The following LRTM1 variants were observed in gnomAD, a reference collection of about 807,000 sequenced individuals.
The protein encoded by LRTM1 is leucine rich repeat transmembrane protein 1.
A neutral mutation model predicts 32.4 loss-of-function variants in LRTM1; 38 were observed. The observed-to-expected ratio is 1.17, with a 90% CI of 0.91 to 1.54. LRTM1 has a LOEUF of 1.54. Among genes scored for constraint, LRTM1 ranks in the 40% most tolerant of loss-of-function variants. The pLI, the probability that LRTM1 is intolerant of heterozygous loss-of-function variation, is 0.00. For synonymous variants in LRTM1, 186 were observed against 169.9 expected (o/e 1.09, Z -0.74); for missense variants, 466 against 415.4 (o/e 1.12, Z -1.06).
Position 54,924,749 on chromosome 3 carries a change from A to C in LRTM1, c.474T>G (p.Leu158=), listed in dbSNP as rs1410408808. The C allele has an allele frequency of 6.2e-7, 1 of 1,614,136 alleles. No homozygotes were observed. ...LTILAVQQNQ[L]QQLDRALLES... ...CCAGGAGCGCTCGATCAAGCTGCTG[A>C]AGCTGGTTTTGTTGAACCGCAAGTA... Residue 158 remains leucine (L), a synonymous_variant, in exon 2 of 3, where the codon CTT becomes CTG. Coordinates refer to ENST00000273286, the MANE Select transcript of LRTM1 (RefSeq NM_020678.4).
chr3:54,963,027 T>A (rs947120497), intron 1 of LRTM1, among the ~76,000 whole-genome samples: 21 of 152,254 alleles, frequency 1.4e-4, no homozygotes, highest in Admixed American at 3.3e-4. Context: ...TAACATGATA[T>A]GAGATGCATG....
intron 1 of LRTM1, 27 bp downstream of exon 1, chr3:54,927,878 T>C (rs1289081147): frequency 6.2e-7 from 1 of 1,613,488 alleles, no homozygotes; most frequent in South Asian, 1.1e-5. Context: ...ACAAGAACTT[T>C]TCCAACGGGA....
upstream of LRTM1, chr3:54,928,201 CTT>C (rs1478313825): frequency 2.3e-6 from 1 of 443,948 alleles, no homozygotes; most frequent in Admixed American, 3.8e-5. Context: ...TCATCCCTGC[CTT>C]TCCCATTCAG....
chr3:54,963,530 A>G (rs1430416184), intron 1 of LRTM1, among the ~76,000 whole-genome samples: 1 of 152,234 alleles, frequency 6.6e-6, no homozygotes, highest in Non-Finnish European at 1.5e-5. Flanking sequence ...GTTAATTTTT[A>G]TTTAAATAGC....
intron 1 of LRTM1, among the ~76,000 whole-genome samples, chr3:54,940,619 A>G (rs78168396): frequency 0.023 from 3,454 of 152,292 alleles, 132 homozygotes; most frequent in African/African-American, 0.076. Context: ...AACTGTCACT[A>G]TTGGAAGTGA....
chr3:54,963,465 T>A (rs941841243), intron 1 of LRTM1, among the ~76,000 whole-genome samples: 1 of 152,224 alleles, frequency 6.6e-6, no homozygotes, highest in Non-Finnish European at 1.5e-5. Context: ...TACGGAGCAC[T>A]TGACATCTAA....
intron 1 of LRTM1, among the ~76,000 whole-genome samples, chr3:54,950,086 A>G (rs917021869): frequency 1.3e-5 from 2 of 152,228 alleles, no homozygotes; most frequent in African/African-American, 4.8e-5. Context: ...GGCACCTGAA[A>G]AAAGGGCGAA....
chr3:54,947,332 G>T (rs1350899092), intron 1 of LRTM1, among the ~76,000 whole-genome samples: 1 of 152,134 alleles, frequency 6.6e-6, no homozygotes, highest in African/African-American at 2.4e-5. Flanking sequence ...TCCAAGCAGT[G>T]CTAATGCAAA....
intron 1 of LRTM1, among the ~76,000 whole-genome samples, chr3:54,947,225 G>A (rs1701638764): frequency 6.6e-6 from 1 of 152,142 alleles, no homozygotes; most frequent in Admixed American, 6.5e-5. Context: ...CTGGTAAGTG[G>A]GATCACTGGA....
chr3:54,963,221 G>T (rs1401779615), intron 1 of LRTM1, among the ~76,000 whole-genome samples: 1 of 152,150 alleles, frequency 6.6e-6, no homozygotes, highest in Non-Finnish European at 1.5e-5. Flanking sequence ...TGGCAGTCCT[G>T]TCTGATCTAA....
intron 1 of LRTM1, among the ~76,000 whole-genome samples, chr3:54,944,892 C>G (rs894578976): frequency 2.0e-5 from 3 of 151,310 alleles, no homozygotes. Flanking sequence ...GTTTTTCTTT[C>G]TTTTTTCAAG....
rs890646338 is a variant in LRTM1 at position 54,944,101 on chromosome 3, A to G, written c.-221-18886T>C. 2.6e-5 allele frequency among the ~76,000 whole-genome samples: 4 copies of G among 152,168 alleles called. No individual in the cohort carries two copies. The South Asian group carries it at 8.3e-4, about 32-fold the overall frequency. On this transcript the variant is annotated intron_variant, in intron 1 of 2. Transcript: ENST00000493075. The stretch of plus-strand genomic sequence containing the variant: ...CTTCCTGTGTTGTTTAGGAAGTCTG[A>G]TATCATACCATTTCCATATCCTTTG...
chr3:54,955,762 G>A (rs1470168479), intron 1 of LRTM1, among the ~76,000 whole-genome samples: 1 of 152,106 alleles, frequency 6.6e-6, no homozygotes, highest in African/African-American at 2.4e-5. Context: ...CTGCTGAGAA[G>A]GAGTTGGAGT....
intron 2 of LRTM1, among the ~76,000 whole-genome samples, chr3:54,919,783 A>G (rs886730007): frequency 6.6e-6 from 1 of 152,270 alleles, no homozygotes; most frequent in African/African-American, 2.4e-5. Flanking sequence ...AAGCACTGTT[A>G]GATAAGTCCT....
chr3:54,944,169 C>T (rs1488765861), intron 1 of LRTM1, among the ~76,000 whole-genome samples: 3 of 151,834 alleles, frequency 2.0e-5, no homozygotes, highest in Non-Finnish European at 2.9e-5. Flanking sequence ...AAGCTTTCTG[C>T]ATGTTCATTA....
At chr3:54,954,222 C>T (rs919421660) in intron 1 of LRTM1, among the ~76,000 whole-genome samples, 2 of 152,306 alleles carry the variant, frequency 1.3e-5, no homozygotes, top group South Asian at 4.1e-4. Flanking sequence ...CTATGGCCTC[C>T]TCATTCCAAG....
At chr3:54,959,711 G>A (rs1302414075) in intron 1 of LRTM1, among the ~76,000 whole-genome samples, 2 of 152,126 alleles carry the variant, frequency 1.3e-5, no homozygotes, top group Non-Finnish European at 2.9e-5. Context: ...AGGCTTAAAT[G>A]TTTTCTTCTG....
At chr3:54,928,928 G>C (rs866422707), upstream of LRTM1, among the ~76,000 whole-genome samples, 1 of 152,080 alleles carries the variant, frequency 6.6e-6, no homozygotes, top group Non-Finnish European at 1.5e-5. Flanking sequence ...GACTGGAACC[G>C]TTTCTTTGAA....
chr3:54,936,158 C>T (rs1324052987), intron 1 of LRTM1, among the ~76,000 whole-genome samples: 1 of 144,302 alleles, frequency 6.9e-6, no homozygotes, highest in African/African-American at 2.7e-5. Flanking sequence ...TCACGAGAAT[C>T]ATAGCAAAAA....
Sources: gnomAD v4.1 joint callset for allele counts (sites outside exome capture counted in the v4.1 genomes callset) on GRCh38, gnomAD v4.1.1 for gene constraint, MANE v1.5 for transcripts, NCBI Gene and HGNC (gene_info 2026-07-23, HGNC 2026-07-21) for gene names.